The following NFIB variants were observed in gnomAD, a reference collection of about 807,000 sequenced individuals.
The protein encoded by NFIB is nuclear factor I B.
Under a neutral mutation model 61.5 loss-of-function variants are expected in NFIB, and 11 were observed. That is an observed-to-expected ratio of 0.18 (90% confidence interval 0.11 to 0.30). The LOEUF (loss-of-function observed/expected upper bound fraction) is 0.30, where lower values mean the gene tolerates loss of function less well. NFIB is among the 10% of genes least tolerant of loss of function. NFIB has a pLI of 1.00. For missense variants in NFIB, 471 were observed against 608.9 expected (o/e 0.77, Z 2.38); for synonymous variants, 260 against 216.5 (o/e 1.20, Z -1.76).
chr9:14,372,234 A>C, intron 1 of NFIB, among the ~76,000 whole-genome samples: 1 of 152,120 alleles, frequency 6.6e-6, no homozygotes, highest in East Asian at 1.9e-4. Context: ...TGCTTTGTTC[A>C]TTTATGAACT....
intron 4 of NFIB, among the ~76,000 whole-genome samples, chr9:14,150,964 T>A (rs975178683): frequency 6.6e-6 from 1 of 152,152 alleles, no homozygotes; most frequent in Non-Finnish European, 1.5e-5. Context: ...TCACATTTTT[T>A]AAATTTAATT....
chr9:14,158,072 T>C (rs965992536), intron 3 of NFIB, among the ~76,000 whole-genome samples: 15 of 150,140 alleles, frequency 1.0e-4, no homozygotes, highest in African/African-American at 3.2e-4. Context: ...GATGGAGCCA[T>C]TGCATTCCAG....
intron 2 of NFIB, among the ~76,000 whole-genome samples, chr9:14,286,614 C>T (rs1395781826): frequency 1.3e-5 from 2 of 152,154 alleles, no homozygotes; most frequent in Non-Finnish European, 2.9e-5. Context: ...TTATTAAGCA[C>T]TTAATGGGAA....
rs573137595 is a variant in NFIB at position 14,102,215 on chromosome 9, G to T, written c.1467+10784C>A. On this transcript the variant is annotated intron_variant, in intron 10 of 10. Transcript: ENST00000380953. ...TTTTATAGCATTTAAAAATTCCAAT[G>T]ATCAGTAAGCATATACTATAGTCCC... Among the ~76,000 whole-genome samples the T allele has an allele frequency of 6.8e-4, 104 of 151,908 alleles. No individual in the cohort carries two copies. The South Asian group carries it at 8.1e-3, about 12-fold the overall frequency.
In NFIB at chr9:14,260,983, A is replaced by G. The variant is rs541269300; in HGVS notation, c.562+46006T>C. 7.2e-5 allele frequency among the ~76,000 whole-genome samples: 3 copies of G among 41,804 alleles called. No homozygotes were observed. The East Asian group carries it at 4.3e-3, about 60-fold the overall frequency. The allele number at this position is 41,804 out of a possible 152,430, so 27.4% of individuals were successfully genotyped here. On this transcript the variant is annotated intron_variant, in intron 2 of 10. Coordinates refer to ENST00000380953, the MANE Select transcript of NFIB (RefSeq NM_001190737.2). ...TAGGTATACTAAATTGGTGGAATCC[A>G]GGAAAGGAGGAGGGAAAAAAGTCAA...
intron 6 of NFIB, among the ~76,000 whole-genome samples, chr9:14,135,610 G>A (rs1375747433): frequency 6.6e-6 from 1 of 152,108 alleles, no homozygotes; most frequent in Non-Finnish European, 1.5e-5. Context: ...CACTACAGTA[G>A]TTTGATGATG....
At chr9:14,314,249 G>C, upstream of NFIB, 1 of 709,424 alleles carries the variant, frequency 1.4e-6, no homozygotes, top group East Asian at 8.1e-5. Context: ...CTGATCTCTG[G>C]GGCGGAAGAG....
At chr9:14,274,928 A>C (rs2057892557) in intron 2 of NFIB, among the ~76,000 whole-genome samples, 1 of 152,172 alleles carries the variant, frequency 6.6e-6, no homozygotes. Context: ...ACTGTATAGT[A>C]AGGTGGTCAA....
At chr9:14,328,629 A>AAT (rs138131418) in intron 1 of NFIB, among the ~76,000 whole-genome samples, 109 of 150,966 alleles carry the variant, frequency 7.2e-4, no homozygotes, top group African/African-American at 1.1e-3. Context: ...GCTTATATGT[A>AAT]ATATATATAT....
At chr9:14,286,280 T>C (rs2058704112) in intron 2 of NFIB, among the ~76,000 whole-genome samples, 1 of 152,140 alleles carries the variant, frequency 6.6e-6, no homozygotes, top group Admixed American at 6.5e-5. Context: ...AATGGGAGGG[T>C]GCTAGGGCCA....
At chr9:14,094,490 A>T (rs1458842010) in intron 10 of NFIB, 1 of 152,128 alleles carries the variant, frequency 6.6e-6, no homozygotes, top group African/African-American at 2.4e-5. Context: ...AAAGTGTTTT[A>T]TACAGGTCTT....
intron 1 of NFIB, among the ~76,000 whole-genome samples, chr9:14,331,364 G>C (rs1422901754): frequency 6.6e-6 from 1 of 152,096 alleles, no homozygotes; most frequent in Non-Finnish European, 1.5e-5. Flanking sequence ...CCAGTCACAG[G>C]ACTTGCCTTG....
chr9:14,398,458 C>A, intron 1 of NFIB: 2 of 1,169,156 alleles, frequency 1.7e-6, no homozygotes, highest in South Asian at 2.9e-5. Flanking sequence ...CACTGAGACA[C>A]ATTGTCTAAG....
chr9:14,516,957 G>A, the NFIB span, among the ~76,000 whole-genome samples: 1 of 152,184 alleles, frequency 6.6e-6, no homozygotes, highest in Non-Finnish European at 1.5e-5. Context: ...ACATGATAGA[G>A]TAGAAATCTG....
At chr9:14,253,484 GA>G (rs913260905) in intron 2 of NFIB, among the ~76,000 whole-genome samples, 5 of 152,062 alleles carry the variant, frequency 3.3e-5, no homozygotes, top group Admixed American at 2.6e-4. Context: ...CTCCCAGAAG[GA>G]AAAAAGCAAG....
At chr9:14,163,732 A>G (rs1298743669) in intron 3 of NFIB, among the ~76,000 whole-genome samples, 1 of 152,064 alleles carries the variant, frequency 6.6e-6, no homozygotes, top group Non-Finnish European at 1.5e-5. Context: ...GACTAACTTC[A>G]TATCATTCAA....
intron 2 of NFIB, among the ~76,000 whole-genome samples, chr9:14,205,255 G>GAA: frequency 9.8e-6 from 1 of 102,148 alleles, no homozygotes; most frequent in African/African-American, 3.8e-5. Flanking sequence ...GAGGAAGGAA[G>GAA]GGGGAGGGAA....
At chr9:14,189,111 T>C (rs1373852934) in intron 2 of NFIB, among the ~76,000 whole-genome samples, 2 of 152,216 alleles carry the variant, frequency 1.3e-5, no homozygotes, top group East Asian at 3.8e-4. Flanking sequence ...CTTACATATC[T>C]GGTTTATCCT....
At chr9:14,147,562 T>G (rs1243829486) in intron 5 of NFIB, among the ~76,000 whole-genome samples, 1 of 151,716 alleles carries the variant, frequency 6.6e-6, no homozygotes, top group Non-Finnish European at 1.5e-5. Context: ...AAACTTAGAT[T>G]ATTGATTCTT....
Sources: allele counts gnomAD v4.1 joint callset (sites outside exome capture counted in the v4.1 genomes callset), GRCh38; gene constraint gnomAD v4.1.1; transcripts MANE v1.5; gene names NCBI Gene and HGNC (gene_info 2026-07-23, HGNC 2026-07-21).